Variants in CLEC9A observed in about 807,000 individuals in gnomAD.
CLEC9A encodes the protein C-type lectin domain containing 9A, also known as C-type lectin domain family 9 member A.
CLEC9A carries 24 observed loss-of-function variants against 30.0 expected under a neutral mutation model. The ratio of observed to expected loss-of-function variants is 0.80; its 90% confidence interval spans 0.58 to 1.13. The LOEUF (loss-of-function observed/expected upper bound fraction) is 1.13, where lower values mean the gene tolerates loss of function less well. Among genes scored for constraint, CLEC9A ranks in the 50% most tolerant of loss-of-function variants. The pLI is 0.00. For missense variants in CLEC9A, 251 were observed against 280.9 expected (o/e 0.89, Z 0.76); for synonymous variants, 111 against 96.8 (o/e 1.15, Z -0.86).
At chr12:10,056,324 G>C (rs906246059) in intron 5 of CLEC9A, among the ~76,000 whole-genome samples, 9 of 151,986 alleles carry the variant, frequency 5.9e-5, no homozygotes, top group East Asian at 1.9e-4. Flanking sequence ...ACATTGATAA[G>C]AGACCATGTT....
In CLEC9A at chr12:10,052,396, A is replaced by G. The variant is rs565375907; in HGVS notation, c.-58-234A>G. The G allele has an allele frequency of 1.6e-5, 10 of 621,328 alleles. No homozygotes were observed. The South Asian group carries it at 4.5e-4, about 28-fold the overall frequency. The allele number at this position is 621,328 out of a possible 1,614,324, so 38.5% of individuals were successfully genotyped here. A position where few individuals can be genotyped will look rare whatever the true frequency, so the allele number is the denominator to read the frequency against. ...TCTGAACTCACTGCTATCACCTTCA[A>G]CATCTGCTACATTTTGGAAACCGGA... On this transcript the variant is annotated intron_variant, in intron 3 of 8. Transcript: ENST00000355819.
intron 7 of CLEC9A, among the ~76,000 whole-genome samples, chr12:10,063,779 G>A (rs982844762): frequency 2.6e-5 from 4 of 152,222 alleles, no homozygotes; most frequent in Non-Finnish European, 5.9e-5. Flanking sequence ...ATTTTGGGAG[G>A]CCAAGGTGGG....
chr12:10,045,553 C>G, intron 2 of CLEC9A: 1 of 280,752 alleles, frequency 3.6e-6, no homozygotes, highest in Non-Finnish European at 7.9e-6. Flanking sequence ...AAAAGGCACT[C>G]TACCTTCTGT....
At chr12:10,058,731 G>C (rs1008186394) in intron 5 of CLEC9A, among the ~76,000 whole-genome samples, 1 of 152,042 alleles carries the variant, frequency 6.6e-6, no homozygotes, top group African/African-American at 2.4e-5. Flanking sequence ...TCTTAGTAGA[G>C]ACAAGGCTTT....
chr12:10,063,885 G>A (rs560282178), intron 7 of CLEC9A, among the ~76,000 whole-genome samples: 2 of 152,272 alleles, frequency 1.3e-5, no homozygotes, highest in South Asian at 4.1e-4. Flanking sequence ...GTGGGAGCCT[G>A]TAATTCCAGC....
In CLEC9A at chr12:10,064,815, C is replaced by T. The variant is rs1347095178; in HGVS notation, c.555C>T (p.Arg185=). The T allele has an allele frequency of 6.2e-7, 1 of 1,613,402 alleles. No individual in the cohort carries two copies. Among genetic ancestry groups the T allele is most frequent in the Non-Finnish European group, 8.5e-7 (1 of 1,179,654 alleles). The change falls in exon 8 of 9, where the codon CGC becomes CGT. Residue 185 remains arginine, a synonymous_variant. Coordinates refer to ENST00000355819, the MANE Select transcript of CLEC9A (RefSeq NM_207345.4). ...VGLSQDGHSG[R]WLWQDGSSPS... ...TGTCTCAGGATGGACACAGCGGACG[C>T]TGGCTTTGGCAAGATGGCTCCTCTC...
intron 2 of CLEC9A, among the ~76,000 whole-genome samples, chr12:10,050,408 C>A (rs991872439): frequency 1.3e-5 from 2 of 152,066 alleles, no homozygotes; most frequent in African/African-American, 2.4e-5. Context: ...ATCTGCAAAG[C>A]GCAATAATGC....
intron 2 of CLEC9A, among the ~76,000 whole-genome samples, chr12:10,045,955 A>G (rs1180895457): frequency 6.6e-6 from 1 of 152,228 alleles, no homozygotes; most frequent in Non-Finnish European, 1.5e-5. Flanking sequence ...GACAATATAG[A>G]TTAGTGCTTA....
intron 6 of CLEC9A, among the ~76,000 whole-genome samples, chr12:10,062,323 C>A (rs1397307974): frequency 6.6e-6 from 1 of 152,198 alleles, no homozygotes; most frequent in African/African-American, 2.4e-5. Flanking sequence ...GTTTCAGTGT[C>A]TTTCCTTCTA....
At chr12:10,061,367 A>T in intron 6 of CLEC9A, 94 bp downstream of exon 6, 1 of 1,275,006 alleles carries the variant, frequency 7.8e-7, no homozygotes, top group Non-Finnish European at 1.1e-6. Context: ...TCTCTGCAAA[A>T]CTGTTAGGAT....
intron 1 of CLEC9A, among the ~76,000 whole-genome samples, chr12:10,033,779 A>G (rs780144163): frequency 1.3e-5 from 2 of 152,162 alleles, no homozygotes; most frequent in Non-Finnish European, 2.9e-5. Flanking sequence ...TTCCATTCTC[A>G]CATCTTATGC....
chr12:10,052,333 C>A, intron 3 of CLEC9A: 1 of 219,656 alleles, frequency 4.6e-6, no homozygotes, highest in Non-Finnish European at 8.5e-6. Context: ...TCTCCTATAC[C>A]AAATGCAAGT....
intron 2 of CLEC9A, among the ~76,000 whole-genome samples, chr12:10,044,519 CG>C (rs1455758523): frequency 6.6e-6 from 1 of 152,128 alleles, no homozygotes; most frequent in Non-Finnish European, 1.5e-5. Flanking sequence ...AAATCAAACT[CG>C]TTTTTTTATC....
At chr12:10,043,227 GC>G in intron 2 of CLEC9A, 1 of 383,136 alleles carries the variant, frequency 2.6e-6, no homozygotes, top group Non-Finnish European at 5.2e-6. Flanking sequence ...ATACATCAAA[GC>G]CAGGACTGGT....
intron 1 of CLEC9A, among the ~76,000 whole-genome samples, chr12:10,031,365 T>C (rs1386597949): frequency 6.6e-6 from 1 of 152,208 alleles, no homozygotes; most frequent in East Asian, 1.9e-4. Flanking sequence ...CCTCTGCACT[T>C]TCTCTTTAGA....
chr12:10,060,779 G>A, intron 5 of CLEC9A: 1 of 232,106 alleles, frequency 4.3e-6, no homozygotes, highest in Non-Finnish European at 8.4e-6. Flanking sequence ...GTGTTAAGGG[G>A]AGAGAGCGAG....
At chr12:10,061,316 A>G in intron 6 of CLEC9A, 43 bp downstream of exon 6, 1 of 1,517,744 alleles carries the variant, frequency 6.6e-7, no homozygotes, top group Non-Finnish European at 8.9e-7. Context: ...ATCTAAATAT[A>G]TACACCAATA....
In CLEC9A at chr12:10,061,154, A is replaced by G. The variant is rs769946229; in HGVS notation, c.200A>G (p.Gln67Arg). ...TTGCAGGTGTCCACCATTGCGATGCAGCAGCAAGAAAAACTCATCCAACAA... is the reference window on the plus strand; with the variant it reads ...TTGCAGGTGTCCACCATTGCGATGCGGCAGCAAGAAAAACTCATCCAACAA... ...KLLQVSTIAM[Q>R]QQEKLIQQER... The change falls in exon 6 of 9, where the codon CAG (glutamine) becomes CGG (arginine). Residue 67 changes from glutamine to arginine, a missense_variant. By Grantham distance (43) the Gln-to-Arg change is conservative (BLOSUM62 1). Coordinates refer to ENST00000355819, the MANE Select transcript of CLEC9A (RefSeq NM_207345.4). 3 of 1,611,794 alleles carry G rather than the reference A, an allele frequency of 1.9e-6. No individual in the cohort carries two copies. Among genetic ancestry groups the G allele is most frequent in the Non-Finnish European group, 2.5e-6 (3 of 1,179,282 alleles).
chr12:10,047,853 C>G (rs990477666), intron 2 of CLEC9A, among the ~76,000 whole-genome samples: 2 of 152,166 alleles, frequency 1.3e-5, no homozygotes, highest in Admixed American at 6.5e-5. Flanking sequence ...GGTAGAGGGT[C>G]GTGCCTTGAC....
Sources: gnomAD v4.1 joint callset for allele counts (sites outside exome capture counted in the v4.1 genomes callset) on GRCh38, gnomAD v4.1.1 for gene constraint, MANE v1.5 for transcripts, NCBI Gene and HGNC (gene_info 2026-07-23, HGNC 2026-07-21) for gene names.